Variants in CFAP43 observed in about 807,000 individuals in gnomAD.
CFAP43 encodes the protein cilia- and flagella-associated protein 43.
In CFAP43, 155 loss-of-function variants were observed where a neutral mutation model predicts 218.9. That is an observed-to-expected ratio of 0.71 (90% confidence interval 0.62 to 0.81). The LOEUF is 0.81. Ranked by LOEUF, CFAP43 falls within the 30% of genes least tolerant of loss-of-function variation. The probability of loss-of-function intolerance (pLI) is 0.00; values close to 1 mark genes in which losing one functional copy is unlikely to be tolerated. For missense variants in CFAP43, 1,778 were observed against 1,954.3 expected (o/e 0.91, Z 1.70); for synonymous variants, 645 against 681.3 (o/e 0.95, Z 0.83).
intron 34 of CFAP43, among the ~76,000 whole-genome samples, chr10:104,136,258 C>CAAAA (rs368792618): frequency 1.7e-4 from 15 of 85,896 alleles, no homozygotes; most frequent in Non-Finnish European, 2.2e-4. Context: ...TTCTCCATTT[C>CAAAA]AAAAAAAAAA....
intron 11 of CFAP43, chr10:104,192,694 T>C (rs2090266623): frequency 1.1e-5 from 2 of 185,652 alleles, no homozygotes; most frequent in Non-Finnish European, 2.2e-5. Flanking sequence ...AGGAAGAATG[T>C]AGTGAAACAT....
At chr10:104,199,359 TA>T (rs536101545) in intron 8 of CFAP43, among the ~76,000 whole-genome samples, 7 of 152,148 alleles carry the variant, frequency 4.6e-5, no homozygotes, top group South Asian at 4.1e-4. Flanking sequence ...GTTATTTATC[TA>T]AAAAAAATGA....
chr10:104,200,135 T>A (rs1452320436), intron 8 of CFAP43, among the ~76,000 whole-genome samples: 1 of 152,228 alleles, frequency 6.6e-6, no homozygotes, highest in Non-Finnish European at 1.5e-5. Context: ...GCCTTAGTTA[T>A]ATATTAGAAG....
chr10:104,230,490 A>G (rs958173010), intron 2 of CFAP43, 100 bp downstream of exon 2: 1 of 1,461,620 alleles, frequency 6.8e-7, no homozygotes, highest in Non-Finnish European at 9.2e-7. Flanking sequence ...AACAAACAAA[A>G]AAAACCTTTC....
chr10:104,147,363 G>T (rs534312943), intron 29 of CFAP43, among the ~76,000 whole-genome samples: 1 of 151,976 alleles, frequency 6.6e-6, no homozygotes, highest in Admixed American at 6.6e-5. Flanking sequence ...GCTGACATTT[G>T]TAGAAACATT....
intron 23 of CFAP43, among the ~76,000 whole-genome samples, chr10:104,165,319 C>G (rs748141412): frequency 1.3e-5 from 2 of 152,172 alleles, no homozygotes; most frequent in Non-Finnish European, 2.9e-5. Context: ...ATGATCTGAA[C>G]AGCTAGCACA....
chr10:104,230,869 A>G (rs113360614), intron 1 of CFAP43, 26 bp from the exon 2 acceptor site: 1 of 1,556,248 alleles, frequency 6.4e-7, no homozygotes, highest in African/African-American at 1.4e-5. Context: ...TGTCAACATC[A>G]ATATAATACA....
At position 104,133,604 on chromosome 10, in the gene CFAP43, G is replaced by T. The variant is rs746676042; in HGVS notation, c.4596+16C>A. On this transcript the variant is annotated intron_variant, in intron 35 of 37. Coordinates refer to ENST00000357060, the MANE Select transcript of CFAP43 (RefSeq NM_025145.7). ...GAATAAAATTAAAACTATGTAGGGG[G>T]GTAGGGAGAATTTACCTTTTGACGA... The T allele has an allele frequency of 6.2e-6, 10 of 1,606,944 alleles. No individual in the cohort carries two copies. In the South Asian group the frequency reaches 1.1e-4, roughly 18 times the overall value.
intron 11 of CFAP43, 130 bp downstream of exon 11, chr10:104,193,736 G>C: frequency 8.0e-7 from 1 of 1,253,086 alleles, no homozygotes; most frequent in Non-Finnish European, 1.1e-6. Flanking sequence ...GTGTTGAACT[G>C]TGTGAATATA....
chr10:104,162,519 A>G, intron 24 of CFAP43, 116 bp from the exon 25 acceptor site: 1 of 828,572 alleles, frequency 1.2e-6, no homozygotes, highest in South Asian at 1.5e-5. Flanking sequence ...GACTCTGCAG[A>G]CTTTGCACCC....
Position 104,194,029 on chromosome 10 carries a change from C to T in CFAP43, c.1294-15G>A, listed in dbSNP as rs1424569863. ...AGAACCGTTGCCTGTTTAAAATAAACCCCAGATGCGTATCTCTATTGTGCC... is the reference window on the plus strand; with the variant it reads ...AGAACCGTTGCCTGTTTAAAATAAATCCCAGATGCGTATCTCTATTGTGCC... On this transcript the variant is annotated splice_polypyrimidine_tract_variant and intron_variant, in intron 10 of 37. Transcript: ENST00000357060. 3.1e-6 allele frequency: 5 copies of T among 1,611,104 alleles called. No individual in the cohort carries two copies. The highest frequency in any genetic ancestry group is 4.2e-6 in the Non-Finnish European group (5 of 1,179,876).
chr10:104,152,492 G>A, intron 28 of CFAP43, 115 bp downstream of exon 28: 1 of 1,435,476 alleles, frequency 7.0e-7, no homozygotes, highest in Non-Finnish European at 9.5e-7. Flanking sequence ...GAGGGACGCA[G>A]GGCCCAGAGC....
intron 2 of CFAP43, among the ~76,000 whole-genome samples, chr10:104,228,631 C>T (rs374926387): frequency 5.0e-4 from 76 of 152,188 alleles, no homozygotes; most frequent in African/African-American, 1.8e-3. Flanking sequence ...AATAACCAGG[C>T]TTTCCATCCA....
intron 17 of CFAP43, among the ~76,000 whole-genome samples, chr10:104,182,041 A>G (rs1290336741): frequency 2.6e-5 from 4 of 152,214 alleles, no homozygotes; most frequent in Admixed American, 2.0e-4. Context: ...TTAGCTAGAC[A>G]CTTCCTAAAT....
At position 104,205,994 on chromosome 10, in the gene CFAP43, T is replaced by A. The variant is rs1302439350; in HGVS notation, c.932A>T (p.Tyr311Phe). Residue 311 changes from tyrosine (Y) to phenylalanine (F), a missense_variant, in exon 7 of 38, where the codon TAT becomes TTT. Physicochemically the swap from Tyr to Phe is conservative, Grantham distance 22 (BLOSUM62 3). Transcript: ENST00000357060. Reference protein sequence around the residue: ...RNFISPVTLVYQKEGVLASGI... With the variant: ...RNFISPVTLVFQKEGVLASGI... ...AGAAGCCAGCACGCCCTCCTTCTGA[T>A]ATACCAAGGTTACTGGACTGATAAA... The A allele has an allele frequency of 1.2e-6, 2 of 1,610,518 alleles. No individual in the cohort carries two copies. Among genetic ancestry groups the A allele is most frequent in the African/African-American group, 2.7e-5 (2 of 74,692 alleles).
chr10:104,165,394 G>T (rs562191027), intron 23 of CFAP43, among the ~76,000 whole-genome samples: 221 of 152,338 alleles, frequency 1.5e-3, no homozygotes, highest in African/African-American at 5.2e-3. Context: ...GCAGCAAGAA[G>T]GTGAGACCCT....
chr10:104,157,843 T>G (rs1589663389), intron 27 of CFAP43, among the ~76,000 whole-genome samples: 1 of 150,074 alleles, frequency 6.7e-6, no homozygotes, highest in Non-Finnish European at 1.5e-5. Flanking sequence ...AGAACACATC[T>G]GGTATCCAGA....
intron 34 of CFAP43, among the ~76,000 whole-genome samples, chr10:104,135,494 C>CA (rs1185391692): frequency 1.3e-5 from 2 of 152,194 alleles, no homozygotes; most frequent in Non-Finnish European, 2.9e-5. Context: ...ATAGAATCCA[C>CA]AAAAACCCTA....
chr10:104,202,167 T>A (rs898056649), intron 8 of CFAP43, among the ~76,000 whole-genome samples: 2 of 152,350 alleles, frequency 1.3e-5, no homozygotes, highest in African/African-American at 2.4e-5. Context: ...TTTTGCCCCA[T>A]GGAGCCACAA....
Sources: gnomAD v4.1 joint callset for allele counts (sites outside exome capture counted in the v4.1 genomes callset) on GRCh38, gnomAD v4.1.1 for gene constraint, MANE v1.5 for transcripts, NCBI Gene and HGNC (gene_info 2026-07-23, HGNC 2026-07-21) for gene names.